The following DLG1 variants were observed in gnomAD, a reference collection of about 807,000 sequenced individuals.
DLG1 encodes disks large homolog 1.
In DLG1, 42 loss-of-function variants were observed where a neutral mutation model predicts 123.4. That is an observed-to-expected ratio of 0.34 (90% CI 0.27 to 0.44). The LOEUF is 0.44. DLG1 is among the 20% of genes least tolerant of loss of function. The pLI, the probability that DLG1 is intolerant of heterozygous loss-of-function variation, is 1.00. For missense variants in DLG1, 942 were observed against 1,082.6 expected (o/e 0.87, Z 1.82); for synonymous variants, 317 against 356.2 (o/e 0.89, Z 1.24).
intron 4 of DLG1, among the ~76,000 whole-genome samples, chr3:197,249,621 T>C (rs1189839483): frequency 6.6e-6 from 1 of 151,984 alleles, no homozygotes. Context: ...AAAAGAAAAC[T>C]ACAGGCCAAT....
chr3:197,100,630 G>A (rs1314860066), intron 14 of DLG1, among the ~76,000 whole-genome samples: 1 of 152,144 alleles, frequency 6.6e-6, no homozygotes, highest in East Asian at 1.9e-4. Context: ...TATTTGAGGT[G>A]AGAGATTCCA....
intron 4 of DLG1, among the ~76,000 whole-genome samples, chr3:197,255,585 T>C (rs1756464847): frequency 6.6e-6 from 1 of 152,176 alleles, no homozygotes. Context: ...TTACACAGCT[T>C]TCTTCATAAC....
chr3:197,298,827 G>T (rs529338091), upstream of DLG1, among the ~76,000 whole-genome samples: 1 of 152,322 alleles, frequency 6.6e-6, no homozygotes, highest in African/African-American at 2.4e-5. Context: ...ATATGAAATA[G>T]AGACACTGGT....
At chr3:197,066,079 T>C (rs544216786) in intron 20 of DLG1, among the ~76,000 whole-genome samples, 1 of 152,352 alleles carries the variant, frequency 6.6e-6, no homozygotes, top group South Asian at 2.1e-4. Context: ...TTCTTTACAT[T>C]GCAAATGACA....
chr3:197,228,630 A>C (rs1432110134), intron 4 of DLG1, among the ~76,000 whole-genome samples: 1 of 152,156 alleles, frequency 6.6e-6, no homozygotes, highest in Non-Finnish European at 1.5e-5. Flanking sequence ...TGATTTTGGG[A>C]CCTACCAGGA....
At chr3:197,171,509 T>A (rs1047754639) in intron 5 of DLG1, among the ~76,000 whole-genome samples, 5 of 152,152 alleles carry the variant, frequency 3.3e-5, no homozygotes, top group African/African-American at 9.7e-5. Flanking sequence ...TCATTAAATT[T>A]AAAACAAAAC....
intron 5 of DLG1, among the ~76,000 whole-genome samples, chr3:197,188,913 C>CT (rs1198846756): frequency 3.9e-5 from 6 of 152,252 alleles, no homozygotes; most frequent in African/African-American, 1.4e-4. Flanking sequence ...TAAAGGAACC[C>CT]TACCTACTCT....
At chr3:197,280,294 AT>A (rs1396382206) in intron 4 of DLG1, among the ~76,000 whole-genome samples, 2 of 152,014 alleles carry the variant, frequency 1.3e-5, no homozygotes, top group African/African-American at 2.4e-5. Flanking sequence ...GTTGCTGCAA[AT>A]GACAGGATTT....
chr3:197,255,037 C>T (rs1387580918), intron 4 of DLG1, among the ~76,000 whole-genome samples: 3 of 151,598 alleles, frequency 2.0e-5, no homozygotes, highest in African/African-American at 4.8e-5. Flanking sequence ...GCCTGGGTGA[C>T]AAGAGCGAGA....
chr3:197,088,030 C>A (rs901550348), intron 15 of DLG1, among the ~76,000 whole-genome samples: 2 of 152,082 alleles, frequency 1.3e-5, no homozygotes, highest in African/African-American at 4.8e-5. Flanking sequence ...ATACTATTGG[C>A]AGGAGACAGG....
intron 5 of DLG1, among the ~76,000 whole-genome samples, chr3:197,155,703 C>T (rs1210859346): frequency 6.6e-6 from 1 of 151,846 alleles, no homozygotes; most frequent in East Asian, 1.9e-4. Context: ...CCGAGGCAGG[C>T]AGAGATGGCT....
Position 197,282,690 on chromosome 3 carries a change from G to A in DLG1, c.307C>T (p.Pro103Ser). 6.2e-7 allele frequency: 1 copy of A among 1,601,124 alleles called. No individual in the cohort carries two copies. Among genetic ancestry groups the A allele is most frequent in the Non-Finnish European group, 8.5e-7 (1 of 1,175,820 alleles). Residue 103 changes from proline to serine, a missense_variant, in exon 4 of 25, where the codon CCT (proline) becomes TCT (serine). By Grantham distance (74) the Pro-to-Ser change is moderately conservative. Coordinates refer to ENST00000667157, the MANE Select transcript of DLG1 (RefSeq NM_001366207.1). The part of the protein sequence containing the change: ...TSETLPSSLS[P>S]SVEKYRYQDE... ...ATTTTTTATCTCACCTCTACACTAG[G>A]GCTAAGGCTGCTTGGCAGTGTCTCT...
intron 5 of DLG1, among the ~76,000 whole-genome samples, chr3:197,159,171 C>T (rs1235899140): frequency 6.6e-6 from 1 of 152,158 alleles, no homozygotes; most frequent in Admixed American, 6.5e-5. Flanking sequence ...ACTCCACGTT[C>T]TTTCTGCAAT....
chr3:197,177,565 A>C (rs1807802603), intron 5 of DLG1, among the ~76,000 whole-genome samples: 1 of 152,176 alleles, frequency 6.6e-6, no homozygotes, highest in African/African-American at 2.4e-5. Flanking sequence ...AGGATGGTCC[A>C]AGATGGAGAT....
intron 4 of DLG1, among the ~76,000 whole-genome samples, chr3:197,229,182 G>T (rs1485436418): frequency 6.6e-6 from 1 of 152,082 alleles, no homozygotes; most frequent in East Asian, 1.9e-4. Context: ...TGCCTAAATT[G>T]AGAAATTCTA....
At chr3:197,071,401 GTCTT>G (rs1370059939) in intron 18 of DLG1, among the ~76,000 whole-genome samples, 1 of 118,652 alleles carries the variant, frequency 8.4e-6, no homozygotes, top group African/African-American at 3.2e-5. Context: ...TCTCTTCACT[GTCTT>G]TTTTTTTTTT....
chr3:197,165,474 C>T (rs1800947101), intron 5 of DLG1, among the ~76,000 whole-genome samples: 1 of 152,138 alleles, frequency 6.6e-6, no homozygotes, highest in Non-Finnish European at 1.5e-5. Context: ...TACTTAATGC[C>T]ACTGAATTGT....
intron 5 of DLG1, among the ~76,000 whole-genome samples, chr3:197,180,067 T>TTGGGG (rs1491312070): frequency 1.1e-5 from 1 of 87,818 alleles, no homozygotes; most frequent in Non-Finnish European, 2.2e-5. Context: ...GTTTTTTTTT[T>TTGGGG]GGGGGGGGGG....
At chr3:197,104,047 T>A (rs1294587386) in intron 14 of DLG1, among the ~76,000 whole-genome samples, 1 of 152,168 alleles carries the variant, frequency 6.6e-6, no homozygotes, top group Non-Finnish European at 1.5e-5. Context: ...TCCACCATAC[T>A]TCACCATCTA....
Sources: gnomAD v4.1 joint callset for allele counts (sites outside exome capture counted in the v4.1 genomes callset) on GRCh38, gnomAD v4.1.1 for gene constraint, MANE v1.5 for transcripts, NCBI Gene and HGNC (gene_info 2026-07-23, HGNC 2026-07-21) for gene names.